GMDS: variants seen among roughly 807,000 people sequenced by gnomAD.
GMDS encodes GDP-mannose 4,6 dehydratase.
GMDS carries 20 observed loss-of-function variants against 49.9 expected under a neutral mutation model. The ratio of observed to expected loss-of-function variants is 0.40; its 90% CI spans 0.28 to 0.58. GMDS has a LOEUF of 0.58. Among genes scored for constraint, GMDS ranks in the 20% least tolerant of loss-of-function variants. GMDS has a pLI of 0.42. For missense variants in GMDS, 362 were observed against 481.4 expected (o/e 0.75, Z 2.32); for synonymous variants, 177 against 178.6 (o/e 0.99, Z 0.07).
chr6:1,668,474 C>T (rs1469517384), intron 9 of GMDS, among the ~76,000 whole-genome samples: 1 of 152,140 alleles, frequency 6.6e-6, no homozygotes, highest in Non-Finnish European at 1.5e-5. Context: ...CTTCAGGAGA[C>T]CAAGGCAGGC....
intron 9 of GMDS, among the ~76,000 whole-genome samples, chr6:1,718,297 G>A (rs902866513): frequency 1.1e-4 from 16 of 152,054 alleles, no homozygotes; most frequent in African/African-American, 1.9e-4. Flanking sequence ...CAGATATCCC[G>A]AAGGCACCGG....
At chr6:1,946,429 AT>A (rs1434473254) in intron 6 of GMDS, among the ~76,000 whole-genome samples, 1 of 152,202 alleles carries the variant, frequency 6.6e-6, no homozygotes, top group Non-Finnish European at 1.5e-5. Flanking sequence ...TCATCGTTTT[AT>A]TATGGGGATT....
chr6:1,865,577 T>C (rs1758403441), intron 7 of GMDS, among the ~76,000 whole-genome samples: 1 of 152,162 alleles, frequency 6.6e-6, no homozygotes, highest in Admixed American at 6.5e-5. Context: ...AAAAAGTTGC[T>C]GCTCACTTCC....
At chr6:1,741,611 A>C (rs937524416) in intron 8 of GMDS, among the ~76,000 whole-genome samples, 2 of 151,902 alleles carry the variant, frequency 1.3e-5, no homozygotes, top group African/African-American at 4.8e-5. Context: ...AGGAGTTCGA[A>C]GACTAGCCTG....
At chr6:1,830,504 T>C (rs1262467764) in intron 7 of GMDS, among the ~76,000 whole-genome samples, 1 of 152,148 alleles carries the variant, frequency 6.6e-6, no homozygotes, top group Non-Finnish European at 1.5e-5. Context: ...ACAGAGGATA[T>C]AGTACAGGGG....
intron 7 of GMDS, among the ~76,000 whole-genome samples, chr6:1,907,877 G>A (rs1156575042): frequency 6.6e-6 from 1 of 152,152 alleles, no homozygotes; most frequent in Non-Finnish European, 1.5e-5. Flanking sequence ...AGTCCCCGGT[G>A]GATACCTGAA....
intron 8 of GMDS, 112 bp downstream of exon 8, chr6:1,742,356 T>A: frequency 1.5e-6 from 1 of 666,212 alleles, no homozygotes; most frequent in East Asian, 2.6e-5. Flanking sequence ...ACTTTCTGTA[T>A]TGCTCTTCAG....
At chr6:2,113,804 T>G (rs1417631288) in intron 4 of GMDS, among the ~76,000 whole-genome samples, 1 of 152,174 alleles carries the variant, frequency 6.6e-6, no homozygotes, top group Non-Finnish European at 1.5e-5. Flanking sequence ...ACACCTTGCA[T>G]GAGGTATGCA....
In GMDS at chr6:2,060,974, C is replaced by T. The variant is rs1394169782; in HGVS notation, c.345+54797G>A. On this transcript the variant is annotated intron_variant, in intron 4 of 10. Transcript: ENST00000380815. Reference sequence around the variant, plus strand: ...CATGGAGGTTGCGGTGAGCCAAGATCGCGCCACTCCAGCCTGGCAACAGAG... The same window carrying T: ...CATGGAGGTTGCGGTGAGCCAAGATTGCGCCACTCCAGCCTGGCAACAGAG... 2.6e-5 allele frequency among the ~76,000 whole-genome samples: 4 copies of T among 151,340 alleles called. No individual in the cohort carries two copies. The East Asian group carries it at 5.8e-4, about 22-fold the overall frequency.
At chr6:1,858,078 A>G (rs896616898) in intron 7 of GMDS, among the ~76,000 whole-genome samples, 1 of 152,178 alleles carries the variant, frequency 6.6e-6, no homozygotes, top group African/African-American at 2.4e-5. Flanking sequence ...CATACTACCT[A>G]AGAGTAAAGT....
chr6:1,906,694 G>A (rs3823280), intron 7 of GMDS, among the ~76,000 whole-genome samples: 139,696 of 152,124 alleles, frequency 0.92, 64,555 homozygotes, highest in Non-Finnish European at 0.97. Context: ...TGCAAGCCAG[G>A]GGGTTTCCTG....
At chr6:2,182,642 A>T (rs1778604922) in intron 1 of GMDS, among the ~76,000 whole-genome samples, 1 of 152,244 alleles carries the variant, frequency 6.6e-6, no homozygotes, top group African/African-American at 2.4e-5. Context: ...CCTGGATGAC[A>T]GCACATCTGT....
chr6:2,076,964 T>G (rs1198081756), intron 4 of GMDS, among the ~76,000 whole-genome samples: 1 of 152,212 alleles, frequency 6.6e-6, no homozygotes, highest in African/African-American at 2.4e-5. Context: ...TTGTTTGTCT[T>G]CTATTTCGTT....
chr6:2,136,119 G>T (rs149342770), intron 1 of GMDS, among the ~76,000 whole-genome samples: 1 of 152,204 alleles, frequency 6.6e-6, no homozygotes, highest in Non-Finnish European at 1.5e-5. Flanking sequence ...AAAAGGTACA[G>T]TGAAAATATG....
chr6:2,030,049 G>A (rs1456614650), intron 4 of GMDS, among the ~76,000 whole-genome samples: 2 of 152,082 alleles, frequency 1.3e-5, no homozygotes, highest in Non-Finnish European at 2.9e-5. Flanking sequence ...GTCCAGAGAA[G>A]GGGGCAGGTT....
At chr6:1,658,351 C>T (rs1402559033) in intron 9 of GMDS, among the ~76,000 whole-genome samples, 2 of 152,274 alleles carry the variant, frequency 1.3e-5, no homozygotes, top group Non-Finnish European at 2.9e-5. Flanking sequence ...TTCCCGAAGG[C>T]TTTCCCACCT....
intron 4 of GMDS, among the ~76,000 whole-genome samples, chr6:2,037,558 C>T (rs1769375719): frequency 1.3e-5 from 2 of 152,168 alleles, no homozygotes; most frequent in African/African-American, 4.8e-5. Flanking sequence ...AAGTACAATC[C>T]TATCTTGTGC....
At chr6:2,029,362 C>T (rs1768817814) in intron 4 of GMDS, among the ~76,000 whole-genome samples, 1 of 152,166 alleles carries the variant, frequency 6.6e-6, no homozygotes, top group South Asian at 2.1e-4. Flanking sequence ...CTGTCTCTGA[C>T]TCCCCTCAAA....
intron 7 of GMDS, among the ~76,000 whole-genome samples, chr6:1,781,788 G>A (rs577311237): frequency 5.3e-5 from 8 of 152,084 alleles, no homozygotes; most frequent in East Asian, 1.9e-4. Flanking sequence ...TGGTCATGGG[G>A]GCCTTTGTAC....
Sources: gnomAD v4.1 joint callset for allele counts (sites outside exome capture counted in the v4.1 genomes callset) on GRCh38, gnomAD v4.1.1 for gene constraint, MANE v1.5 for transcripts, NCBI Gene and HGNC (gene_info 2026-07-23, HGNC 2026-07-21) for gene names.